The following PCGF5 variants were observed in gnomAD, a reference collection of about 807,000 sequenced individuals.
PCGF5 encodes the protein polycomb group RING finger protein 5.
In PCGF5, 9 loss-of-function variants were observed where a neutral mutation model predicts 44.3. The observed-to-expected ratio is 0.20, with a 90% CI of 0.12 to 0.35. The LOEUF (loss-of-function observed/expected upper bound fraction) is 0.35. Among genes scored for constraint, PCGF5 ranks in the 10% least tolerant of loss-of-function variants. The pLI is 1.00. For synonymous variants in PCGF5, 95 were observed against 102.5 expected, an observed-to-expected ratio of 0.93 and a Z score of 0.44; for missense variants, 146 against 305.3, an observed-to-expected ratio of 0.48 and a Z score of 3.89.
At chr10:91,159,773 A>G (rs1345141008), upstream of PCGF5, among the ~76,000 whole-genome samples, 1 of 152,210 alleles carries the variant, frequency 6.6e-6, no homozygotes, top group African/African-American at 2.4e-5. Flanking sequence ...ACTTACCCAC[A>G]GATAATTCAA....
intron 5 of PCGF5, among the ~76,000 whole-genome samples, chr10:91,251,081 TGTTAATAA>T (rs1230877988): frequency 6.6e-6 from 1 of 150,858 alleles, no homozygotes; most frequent in Non-Finnish European, 1.5e-5. Flanking sequence ...TCTTAAGCTA[TGTTAATAA>T]GTTTCCAATT....
chr10:91,253,673 T>G (rs1845676786), intron 6 of PCGF5, among the ~76,000 whole-genome samples: 1 of 152,076 alleles, frequency 6.6e-6, no homozygotes, highest in Admixed American at 6.6e-5. Context: ...CCCAGTTTAG[T>G]GCTGCTCACC....
At chr10:91,227,978 C>T in intron 2 of PCGF5, 1 of 936,764 alleles carries the variant, frequency 1.1e-6, no homozygotes, top group Non-Finnish European at 1.3e-6. Context: ...GTGTATTTTT[C>T]CTTTCAAAGA....
At chr10:91,171,757 G>A (rs1170542333) in intron 1 of PCGF5, among the ~76,000 whole-genome samples, 1 of 152,208 alleles carries the variant, frequency 6.6e-6, no homozygotes, top group Non-Finnish European at 1.5e-5. Flanking sequence ...CAGGGTTATT[G>A]TGGAGGGATC....
intron 1 of PCGF5, among the ~76,000 whole-genome samples, chr10:91,222,425 G>T (rs1024317728): frequency 6.6e-6 from 1 of 152,178 alleles, no homozygotes; most frequent in Non-Finnish European, 1.5e-5. Context: ...CATTAGTGAA[G>T]AGGTAAAGAT....
intron 2 of PCGF5, among the ~76,000 whole-genome samples, chr10:91,234,590 T>G (rs186175119): frequency 6.6e-6 from 1 of 152,330 alleles, no homozygotes; most frequent in East Asian, 1.9e-4. Flanking sequence ...TATTTATGAT[T>G]AGTGCATCAA....
At chr10:91,181,305 G>A (rs1204115094) in intron 1 of PCGF5, among the ~76,000 whole-genome samples, 2 of 152,156 alleles carry the variant, frequency 1.3e-5, no homozygotes, top group Non-Finnish European at 2.9e-5. Flanking sequence ...CTAAAAACAG[G>A]GATAGTTTGA....
intron 1 of PCGF5, among the ~76,000 whole-genome samples, chr10:91,166,992 G>A (rs1404670698): frequency 2.0e-5 from 3 of 152,030 alleles, no homozygotes; most frequent in Admixed American, 1.3e-4. Flanking sequence ...ATGGGGGAGG[G>A]GAATGACCGA....
chr10:91,275,123 G>T (rs1432269734), intron 9 of PCGF5, among the ~76,000 whole-genome samples: 1 of 151,946 alleles, frequency 6.6e-6, no homozygotes, highest in African/African-American at 2.4e-5. Flanking sequence ...AAATATATTT[G>T]CAATGTATGA....
intron 1 of PCGF5, among the ~76,000 whole-genome samples, chr10:91,172,357 T>C (rs529878745): frequency 1.3e-5 from 2 of 152,128 alleles, no homozygotes; most frequent in African/African-American, 4.8e-5. Flanking sequence ...AGGCGGAGGT[T>C]GTAGTAAGCT....
At chr10:91,275,445 AT>A (rs67394295) in intron 9 of PCGF5, among the ~76,000 whole-genome samples, 21,447 of 144,800 alleles carry the variant, frequency 0.15, 2,700 homozygotes, top group African/African-American at 0.34. Context: ...ACTACATTTT[AT>A]TTTTTTTTTT....
chr10:91,186,394 A>C (rs1843924011), intron 1 of PCGF5, among the ~76,000 whole-genome samples: 1 of 152,220 alleles, frequency 6.6e-6, no homozygotes, highest in South Asian at 2.1e-4. Context: ...GGAATATAAA[A>C]GCTGCATGAT....
chr10:91,227,539 G>A, intron 2 of PCGF5: 1 of 1,209,284 alleles, frequency 8.3e-7, no homozygotes, highest in Non-Finnish European at 1.1e-6. Context: ...TGTCCCTTTA[G>A]TTTCATCCCT....
chr10:91,175,139 A>G lies in PCGF5; in HGVS notation c.-184+12058A>G, dbSNP rs530359688. ...GGATAGGTGGAAAATCTGTAAGGGA[A>G]CTAGATCCTCACTTCACTTCTTCTA... On this transcript the variant is annotated intron_variant, in intron 1 of 9. Transcript: ENST00000614189. Among the ~76,000 whole-genome samples the G allele has an allele frequency of 1.5e-4, 23 of 152,320 alleles. No individual in the cohort carries two copies. In the South Asian group the frequency reaches 4.8e-3, roughly 32 times the overall value.
At chr10:91,165,891 G>A (rs1158820890) in intron 1 of PCGF5, among the ~76,000 whole-genome samples, 4 of 152,148 alleles carry the variant, frequency 2.6e-5, no homozygotes, top group Admixed American at 2.6e-4. Flanking sequence ...CAGTCTTGTA[G>A]CAATATTTTC....
At chr10:91,243,473 A>T (rs1211042982) in intron 3 of PCGF5, among the ~76,000 whole-genome samples, 1 of 152,210 alleles carries the variant, frequency 6.6e-6, no homozygotes, top group African/African-American at 2.4e-5. Flanking sequence ...ACTTTTTCTC[A>T]GTAAGCTATT....
At chr10:91,203,904 A>G (rs1029705002) in intron 1 of PCGF5, among the ~76,000 whole-genome samples, 4 of 152,190 alleles carry the variant, frequency 2.6e-5, no homozygotes, top group African/African-American at 4.8e-5. Flanking sequence ...GATTTCAGTC[A>G]GGCCCACATT....
chr10:91,253,540 C>G (rs1845671487), intron 6 of PCGF5, among the ~76,000 whole-genome samples: 1 of 152,024 alleles, frequency 6.6e-6, no homozygotes, highest in South Asian at 2.1e-4. Flanking sequence ...TAACTTTGGT[C>G]CAAACATGCA....
At chr10:91,217,412 C>A (rs183503852), upstream of PCGF5, among the ~76,000 whole-genome samples, 1 of 152,238 alleles carries the variant, frequency 6.6e-6, no homozygotes, top group African/African-American at 2.4e-5. Flanking sequence ...CATTAAAAGT[C>A]AGTTAATTAA....
Sources: allele counts gnomAD v4.1 joint callset (sites outside exome capture counted in the v4.1 genomes callset), GRCh38; gene constraint gnomAD v4.1.1; transcripts MANE v1.5; gene names NCBI Gene and HGNC (gene_info 2026-07-23, HGNC 2026-07-21).